Variants in CFAP92 observed in about 807,000 individuals in gnomAD.
CFAP92 encodes the protein cilia and flagella associated protein 92 (putative).
A neutral mutation model predicts 106.3 loss-of-function variants in CFAP92; 86 were observed. That is an observed-to-expected ratio of 0.81 (90% CI 0.68 to 0.97). CFAP92 has a LOEUF of 0.97. CFAP92 is among the 50% of genes least tolerant of loss of function. The probability of loss-of-function intolerance (pLI) is 0.00; values close to 1 mark genes in which losing one functional copy is unlikely to be tolerated. For synonymous variants in CFAP92, 477 were observed against 506.4 expected, an observed-to-expected ratio of 0.94 and a Z score of 0.78; for missense variants, 1,204 against 1,283.8, an observed-to-expected ratio of 0.94 and a Z score of 0.95.
intron 12 of CFAP92, among the ~76,000 whole-genome samples, chr3:128,930,477 A>C (rs1938236770): frequency 6.6e-6 from 1 of 151,326 alleles, no homozygotes; most frequent in Non-Finnish European, 1.5e-5. Flanking sequence ...ACCCTTCCTC[A>C]TGGCCAGGCG....
At chr3:128,912,661 G>C in intron 15 of CFAP92, 1 of 1,426,664 alleles carries the variant, frequency 7.0e-7, no homozygotes, top group Non-Finnish European at 9.9e-7. Context: ...GCCCGTTGCT[G>C]GATGACTGTT....
Position 128,910,334 on chromosome 3 carries a change from CTG to C in CFAP92, c.3281-3_3281-2del, listed in dbSNP as rs1401863491. ...GGGCTGTTCCCTTTCTTCTTCCTGA[CTG>C]AGAGAAGAGGGGGTGAGTGACAGGG... On this transcript the variant is annotated splice_acceptor_variant and splice_polypyrimidine_tract_variant and intron_variant, in intron 15 of 15. Coordinates refer to ENST00000645291, the MANE Select transcript of CFAP92 (RefSeq NM_001394090.1). LOFTEE classifies it high-confidence loss of function. 1.1e-5 allele frequency: 16 copies of C among 1,474,684 alleles called. No individual in the cohort carries two copies. The African/African-American group carries it at 2.0e-4, about 18-fold the overall frequency. 91.3% of individuals were successfully genotyped at this position (1,474,684 alleles called of 1,614,324 possible).
At chr3:128,942,015 C>G (rs1443437893) in intron 10 of CFAP92, among the ~76,000 whole-genome samples, 2 of 152,174 alleles carry the variant, frequency 1.3e-5, no homozygotes, top group Non-Finnish European at 2.9e-5. Flanking sequence ...AGATATAATT[C>G]ATATACTATC....
At position 128,935,204 on chromosome 3, in the gene CFAP92, G is replaced by A. The variant is rs1485663694; in HGVS notation, c.2374C>T (p.Pro792Ser). 1 of 1,536,110 alleles carries A rather than the reference G, an allele frequency of 6.5e-7. No individual in the cohort carries two copies. Among genetic ancestry groups the A allele is most frequent in the Non-Finnish European group, 8.7e-7 (1 of 1,146,870 alleles). Residue 792 changes from proline to serine, a missense_variant, in exon 11 of 16, where the codon CCC (proline) becomes TCC (serine). Transcript: ENST00000645291. Reference protein sequence around the residue: ...AILYHVHLFQPTELLLQQAVF... With the variant: ...AILYHVHLFQSTELLLQQAVF... ...GCCTGCTGCAGCAGCAGCTCCGTGG[G>A]CTGGAAGAGGTGCACGTGGTACAGG...
chr3:129,001,731 G>T, intron 1 of CFAP92: 2 of 1,527,282 alleles, frequency 1.3e-6, no homozygotes. Context: ...GAGCGCCCTG[G>T]CGCACCACTA....
At chr3:128,963,424 C>CA (rs1306714108) in intron 9 of CFAP92, among the ~76,000 whole-genome samples, 1 of 152,154 alleles carries the variant, frequency 6.6e-6, no homozygotes, top group Non-Finnish European at 1.5e-5. Context: ...CTACATTTCC[C>CA]AAAATCTATT....
chr3:129,025,907 G>A, the CFAP92 span, among the ~76,000 whole-genome samples: 1 of 152,236 alleles, frequency 6.6e-6, no homozygotes, highest in African/African-American at 2.4e-5. Context: ...ACTGACAACG[G>A]CAGCTGGGCC....
chr3:128,932,611 C>T lies in CFAP92; in HGVS notation c.2751+89G>A, dbSNP rs1938521540. 7.7e-6 allele frequency: 10 copies of T among 1,306,400 alleles called. No homozygotes were observed. The African/African-American group carries it at 1.0e-4, about 14-fold the overall frequency. 80.9% of individuals were successfully genotyped at this position (1,306,400 alleles called of 1,614,324 possible). A position where few individuals can be genotyped will look rare whatever the true frequency, so the allele number is the denominator to read the frequency against. ...GGCACGACCAGAGGCAAATGTCCCA[C>T]TCAGGAATATGCCCTATGCCTCTCA... On this transcript the variant is annotated intron_variant, in intron 12 of 15. Coordinates refer to ENST00000645291, the MANE Select transcript of CFAP92 (RefSeq NM_001394090.1).
Position 128,945,366 on chromosome 3 carries a change from C to A in CFAP92, c.1963G>T (p.Gly655Cys). The change falls in exon 10 of 16, where the codon GGC becomes TGC. Residue 655 changes from glycine (G) to cysteine (C), a missense_variant. Physicochemically the swap from Gly to Cys is radical, Grantham distance 159. Coordinates refer to ENST00000645291, the MANE Select transcript of CFAP92 (RefSeq NM_001394090.1). ...AAGATGATGCGGCCAAACTGGGAGCCCCCAAGGTCAGGATCAGCAGCTCTG... is the reference window on the plus strand; with the variant it reads ...AAGATGATGCGGCCAAACTGGGAGCACCCAAGGTCAGGATCAGCAGCTCTG... ...GARAADPDLG[G>C]SQFGRIIFVF... The A allele has an allele frequency of 1.3e-6, 2 of 1,536,144 alleles. No individual in the cohort carries two copies. Among genetic ancestry groups the A allele is most frequent in the Non-Finnish European group, 1.7e-6 (2 of 1,146,908 alleles).
chr3:129,014,208 C>T, the CFAP92 span, among the ~76,000 whole-genome samples: 9 of 152,356 alleles, frequency 5.9e-5, no homozygotes. This position sits in a 1 kb window ranked among gnomAD's most constrained non-coding sequence, Gnocchi z 4.3. Flanking sequence ...AGACCCTGCC[C>T]TCGTGGACCA....
At chr3:128,923,706 CAATT>C (rs776028525) in intron 12 of CFAP92, among the ~76,000 whole-genome samples, 101 of 152,218 alleles carry the variant, frequency 6.6e-4, no homozygotes, top group Non-Finnish European at 1.3e-3. Context: ...TTGCCTTGCT[CAATT>C]AATTTAAAAA....
intron 7 of CFAP92, among the ~76,000 whole-genome samples, chr3:128,972,307 T>A (rs1333994398): frequency 6.6e-6 from 1 of 152,002 alleles, no homozygotes; most frequent in Middle Eastern, 3.2e-3. Context: ...AATGGCACGA[T>A]CGAGGCTCAT....
Position 128,910,177 on chromosome 3 carries a change from C to T in CFAP92, c.*122G>A. The T allele has an allele frequency of 6.2e-7, 1 of 1,613,736 alleles. No individual in the cohort carries two copies. The highest frequency in any genetic ancestry group is 8.5e-7 in the Non-Finnish European group (1 of 1,180,014). On this transcript the variant is annotated 3_prime_UTR_variant, in exon 16 of 16. Coordinates refer to ENST00000645291, the MANE Select transcript of CFAP92 (RefSeq NM_001394090.1). ...GAGCCCAGCCCAGCCTCACACAGGG[C>T]CTGGCTGCTGCCATCTGTCCTGCTG... is the stretch of plus-strand genomic sequence containing the variant.
At chr3:129,017,546 C>T in the CFAP92 span, among the ~76,000 whole-genome samples, 1 of 152,226 alleles carries the variant, frequency 6.6e-6, no homozygotes, top group Admixed American at 6.5e-5. Context: ...GGCCGTGGGA[C>T]CGAGGCCCTA....
the CFAP92 span, among the ~76,000 whole-genome samples, chr3:129,009,610 T>C: frequency 6.6e-6 from 1 of 152,192 alleles, no homozygotes; most frequent in Non-Finnish European, 1.5e-5. Flanking sequence ...GCAAGGCCCA[T>C]TGAACTCTGG....
chr3:129,002,152 G>A (rs1428292254), intron 1 of CFAP92: 3 of 1,470,896 alleles, frequency 2.0e-6, no homozygotes, highest in African/African-American at 1.5e-5. Context: ...ACGCAGATCC[G>A]CCTGCGCCGT....
At chr3:128,953,602 CCTCTCCCTCTCCCTCTCCCTCCCT>C (rs1403045447) in intron 9 of CFAP92, among the ~76,000 whole-genome samples, 1 of 117,250 alleles carries the variant, frequency 8.5e-6, no homozygotes, top group Non-Finnish European at 1.6e-5. Context: ...TCTCCCTCCC[CCTCTCCCTCTCCCTCTCCCTCCCT>C]CTCCGTCTCC....
At chr3:128,942,158 A>T (rs993450320) in intron 10 of CFAP92, among the ~76,000 whole-genome samples, 2 of 150,810 alleles carry the variant, frequency 1.3e-5, no homozygotes, top group Non-Finnish European at 3.0e-5. Flanking sequence ...AAGGGCTCAC[A>T]GAACTTACTG....
At chr3:128,946,693 G>A (rs1304323774) in intron 9 of CFAP92, among the ~76,000 whole-genome samples, 1 of 152,168 alleles carries the variant, frequency 6.6e-6, no homozygotes, top group Non-Finnish European at 1.5e-5. Flanking sequence ...AGAGCAGTGG[G>A]CAGAGACACA....
Sources: allele counts gnomAD v4.1 joint callset (sites outside exome capture counted in the v4.1 genomes callset), GRCh38; gene constraint gnomAD v4.1.1; non-coding constraint Gnocchi (gnomAD v3.1); transcripts MANE v1.5; gene names NCBI Gene and HGNC (gene_info 2026-07-23, HGNC 2026-07-21).